RHBDF1: variants seen among roughly 807,000 people sequenced by gnomAD.
RHBDF1 encodes the protein inactive rhomboid protein 1.
Under a neutral mutation model 98.6 loss-of-function variants are expected in RHBDF1, and 80 were observed. The ratio of observed to expected loss-of-function variants is 0.81; its 90% CI spans 0.68 to 0.98. RHBDF1 has a LOEUF of 0.98. Ranked by LOEUF, RHBDF1 falls within the 50% of genes least tolerant of loss-of-function variation. The pLI, the probability that RHBDF1 is intolerant of heterozygous loss-of-function variation, is 0.00. For synonymous variants in RHBDF1, 512 were observed against 486.8 expected, an observed-to-expected ratio of 1.05 and a Z score of -0.68; for missense variants, 1,116 against 1,198.3, an observed-to-expected ratio of 0.93 and a Z score of 1.01.
intron 11 of RHBDF1, 72 bp from the exon 12 acceptor site, chr16:60,611 C>T (rs1294655600): frequency 1.8e-5 from 21 of 1,165,152 alleles, no homozygotes; most frequent in African/African-American, 6.0e-5. Context: ...AGTCAGGAGT[C>T]GAAGGCAAAA....
chr16:59,347 C>T lies in RHBDF1; in HGVS notation c.1896G>A (p.Val632=), dbSNP rs1193154933. 3.7e-6 allele frequency: 6 copies of T among 1,611,642 alleles called. No homozygotes were observed. In the African/African-American group the frequency reaches 5.3e-5, roughly 14 times the overall value. ...GCCCACACACATCATCCATGCAGTG[C>T]ACCTGCGCAGAGCAGCATATCAGCA... ...FHEEATLCSQ[V]HCMDDVCGLL... Residue 632 remains valine, a splice_region_variant and synonymous_variant, in exon 16 of 18, where the codon GTG becomes GTA. Transcript: ENST00000262316.
upstream of RHBDF1, among the ~76,000 whole-genome samples, chr16:74,210 AC>A (rs1429432998): frequency 2.7e-5 from 4 of 148,644 alleles, no homozygotes; most frequent in Non-Finnish European, 3.0e-5. Flanking sequence ...ACAGCCAGAG[AC>A]AGGACAGTCT....
At position 61,855 on chromosome 16, in the gene RHBDF1, T is replaced by G; in HGVS notation, c.1151A>C (p.Tyr384Ser). Reference sequence around the variant, plus strand: ...GACGAAGCTGTCGATGCGCTTGCGGTAGGTGCGGTTGGTGAGCCGTCCCAC... The same window carrying G: ...GACGAAGCTGTCGATGCGCTTGCGGGAGGTGCGGTTGGTGAGCCGTCCCAC... ...GMVGRLTNRT[Y>S]RKRIDSFVKR... Residue 384 changes from tyrosine (Y) to serine (S), a missense_variant, in exon 8 of 18, where the codon TAC (tyrosine) becomes TCC (serine). Transcript: ENST00000262316. 6.2e-7 allele frequency: 1 copy of G among 1,611,442 alleles called. No homozygotes were observed. The highest frequency in any genetic ancestry group is 8.5e-7 in the Non-Finnish European group (1 of 1,179,788).
Position 60,266 on chromosome 16 carries a change from G to A in RHBDF1, c.1672C>T (p.Pro558Ser), listed in dbSNP as rs765697052. 1.2e-6 allele frequency: 2 copies of A among 1,614,034 alleles called. No individual in the cohort carries two copies. The highest frequency in any genetic ancestry group is 1.7e-5 in the Admixed American group (1 of 60,010). The change falls in exon 13 of 18, where the codon CCC (proline) becomes TCC (serine). Residue 558 changes from proline to serine, a missense_variant. By Grantham distance (74) the Pro-to-Ser change is moderately conservative. Transcript: ENST00000262316. The part of the protein sequence containing the change: ...CHQDPRVCDE[P>S]SSEDPHEWPE... ...CACTCATGAGGGTCTTCGGAGGAGG[G>A]CTCATCACACACCCTGCATGAGCCA... is the stretch of plus-strand genomic sequence containing the variant.
intron 1 of RHBDF1, among the ~76,000 whole-genome samples, chr16:67,321 G>A (rs1023565909): frequency 6.6e-6 from 1 of 152,212 alleles, no homozygotes; most frequent in African/African-American, 2.4e-5. Flanking sequence ...CCAGAGAGGA[G>A]CAGGGCCCAG....
chr16:62,566 T>G lies in RHBDF1; in HGVS notation c.925A>C (p.Ser309Arg). The G allele has an allele frequency of 6.2e-7, 1 of 1,613,328 alleles. No homozygotes were observed. Among genetic ancestry groups the G allele is most frequent in the Non-Finnish European group, 8.5e-7 (1 of 1,179,998 alleles). Residue 309 changes from serine (S) to arginine (R), a missense_variant, in exon 7 of 18, where the codon AGC (serine) becomes CGC (arginine). Coordinates refer to ENST00000262316, the MANE Select transcript of RHBDF1 (RefSeq NM_022450.5). ...ATCAGGTGGCTGCGCTCAAGCTCGC[T>G]GCGGTCCAGGGCCCCGCCGGTGAGG... ...ADLTGGALDR[S>R]ELERSHLMLP...
chr16:61,938 G>A lies in RHBDF1; in HGVS notation c.1068C>T (p.Ile356=), dbSNP rs768944027. The part of the protein sequence containing the change: ...STAGPRRGQR[I]AVPVRKLFAR... ...CGAAGAGCTTGCGCACCGGCACCGC[G>A]ATACGCTGGCCCCGTCGCGGCCCCG... Residue 356 remains isoleucine (I), a synonymous_variant, in exon 8 of 18, where the codon ATC becomes ATT. Coordinates refer to ENST00000262316, the MANE Select transcript of RHBDF1 (RefSeq NM_022450.5). The A allele has an allele frequency of 5.6e-6, 9 of 1,598,818 alleles. No homozygotes were observed. In the East Asian group the frequency reaches 1.8e-4, roughly 32 times the overall value.
In RHBDF1 at chr16:59,100, G is replaced by C. The variant is rs758701046; in HGVS notation, c.2022C>G (p.Cys674Trp). Reference protein sequence around the residue: ...AGILHCLVSICFQMTVLRDLE... With the variant: ...AGILHCLVSIWFQMTVLRDLE... ...GGTCCCGCAGGACAGTCATCTGGAAGCAGATGGACACCAGGCAGTGCAAGA... is the reference window on the plus strand; with the variant it reads ...GGTCCCGCAGGACAGTCATCTGGAACCAGATGGACACCAGGCAGTGCAAGA... Residue 674 changes from cysteine to tryptophan, a missense_variant, in exon 17 of 18, where the codon TGC becomes TGG. Transcript: ENST00000262316. 6.2e-7 allele frequency: 1 copy of C among 1,613,608 alleles called. No homozygotes were observed. Among genetic ancestry groups the C allele is most frequent in the Non-Finnish European group, 8.5e-7 (1 of 1,180,012 alleles).
chr16:59,787 G>A lies in RHBDF1; in HGVS notation c.1762C>T (p.Pro588Ser). Residue 588 changes from proline (P) to serine (S), a missense_variant, in exon 14 of 18, where the codon CCC becomes TCC. Transcript: ENST00000262316. ...KNSAGNHTNH[P>S]HMDCVITGRP... ...CCTGTGATGACACAGTCCATGTGGGGATGGTTGGTGTGGTTCCCAGCGCTG... is the reference window on the plus strand; with the variant it reads ...CCTGTGATGACACAGTCCATGTGGGAATGGTTGGTGTGGTTCCCAGCGCTG... The A allele has an allele frequency of 6.2e-7, 1 of 1,614,166 alleles. No homozygotes were observed. Among genetic ancestry groups the A allele is most frequent in the Non-Finnish European group, 8.5e-7 (1 of 1,180,034 alleles).
Position 58,603 on chromosome 16 carries a change from T to C in RHBDF1, c.2305A>G (p.Asn769Asp). 4 of 1,613,470 alleles carry C rather than the reference T, an allele frequency of 2.5e-6. No individual in the cohort carries two copies. Among genetic ancestry groups the C allele is most frequent in the Non-Finnish European group, 3.4e-6 (4 of 1,179,938 alleles). Residue 769 changes from asparagine to aspartate, a missense_variant, in exon 18 of 18, where the codon AAC becomes GAC. Coordinates refer to ENST00000262316, the MANE Select transcript of RHBDF1 (RefSeq NM_022450.5). ...ATGAACCCTGAGATGTGGGCAAAGTTGTCAATCCACGGCAGCAGCCCAAAG... is the reference window on the plus strand; with the variant it reads ...ATGAACCCTGAGATGTGGGCAAAGTCGTCAATCCACGGCAGCAGCCCAAAG... ...FTFGLLPWID[N>D]FAHISGFISG...
intron 14 of RHBDF1, 61 bp from the exon 15 acceptor site, chr16:59,555 AG>A: frequency 6.4e-7 from 1 of 1,561,270 alleles, no homozygotes; most frequent in South Asian, 1.1e-5. Flanking sequence ...GCTGGCATCC[AG>A]GGCGAGTTTC....
rs1897577443 is a variant in RHBDF1, at chr16:60,683, T to C, written c.1558-144A>G. 8 of 611,374 alleles carry C rather than the reference T, an allele frequency of 1.3e-5. No homozygotes were observed. In the Middle Eastern group the frequency reaches 1.3e-3, roughly 96 times the overall value. 37.9% of individuals were successfully genotyped at this position (611,374 alleles called of 1,614,324 possible). A position where few individuals can be genotyped will look rare whatever the true frequency, so the allele number is the denominator to read the frequency against. On this transcript the variant is annotated intron_variant, in intron 11 of 17. Transcript: ENST00000262316. ...CCACTCTTGAGATGCACGTGCATGT[T>C]GGAAAAGACTCTTACAAGGAGTTTG...
chr16:70,371 C>T (rs943182320), intron 1 of RHBDF1, among the ~76,000 whole-genome samples: 2 of 152,212 alleles, frequency 1.3e-5, no homozygotes, highest in Admixed American at 1.3e-4. Context: ...ATGGGCAGCC[C>T]AGTCACCAGT....
At chr16:64,087 A>G (rs1897752551) in intron 3 of RHBDF1, 2 of 625,168 alleles carry the variant, frequency 3.2e-6, no homozygotes, top group African/African-American at 1.8e-5. Context: ...GGAGGCACTG[A>G]GTCCAGAGAA....
chr16:73,221 C>CA (rs1898022928), upstream of RHBDF1, among the ~76,000 whole-genome samples: 1 of 152,166 alleles, frequency 6.6e-6, no homozygotes, highest in Admixed American at 6.5e-5. Context: ...TGGGTACATA[C>CA]ACGTGCACAC....
In RHBDF1 at chr16:58,761, T is replaced by C. The variant is rs1364639034; in HGVS notation, c.2149-2A>G. On this transcript the variant is annotated splice_acceptor_variant, in intron 17 of 17. Coordinates refer to ENST00000262316, the MANE Select transcript of RHBDF1 (RefSeq NM_022450.5). LOFTEE classifies it high-confidence loss of function. The stretch of plus-strand genomic sequence containing the variant: ...GAACTGGGAGCCAGCAGGACCCACC[T>C]GGGGGATGGTTGGGGTAGCTGTAAG... 1 of 1,611,448 alleles carries C rather than the reference T, an allele frequency of 6.2e-7. No individual in the cohort carries two copies.
In RHBDF1 at chr16:63,740, G is replaced by C; in HGVS notation, c.309C>G (p.Arg103=). The C allele has an allele frequency of 3.1e-6, 5 of 1,613,784 alleles. No homozygotes were observed. Among genetic ancestry groups the C allele is most frequent in the Non-Finnish European group, 4.2e-6 (5 of 1,179,958 alleles). The stretch of plus-strand genomic sequence containing the variant: ...GCTGGCTGCAGTGACGGATGCTCTT[G>C]CGCTGCCATTTCTGGGTGCTGTCAC... ...KDSDSTQKWQ[R]KSIRHCSQRY... Residue 103 remains arginine (R), a synonymous_variant, in exon 4 of 18, where the codon CGC becomes CGG. Coordinates refer to ENST00000262316, the MANE Select transcript of RHBDF1 (RefSeq NM_022450.5).
At chr16:74,704 T>G (rs1215952312), upstream of RHBDF1, 1 of 152,172 alleles carries the variant, frequency 6.6e-6, no homozygotes, top group Non-Finnish European at 1.5e-5. Context: ...TACATCCAGA[T>G]GAAGCAAGTG....
rs780127819 is a variant in RHBDF1 at position 64,426 on chromosome 16, C to T, written c.248+273G>A. ...GGGCAGAGTGTGGACACGCCCGAAGCGTACTTGTCGGCTGCTAAGAGGCAA... is the reference window on the plus strand; with the variant it reads ...GGGCAGAGTGTGGACACGCCCGAAGTGTACTTGTCGGCTGCTAAGAGGCAA... On this transcript the variant is annotated intron_variant, in intron 3 of 17. Transcript: ENST00000262316. 7.6e-6 allele frequency: 11 copies of T among 1,440,882 alleles called. No homozygotes were observed. In the African/African-American group the frequency reaches 8.5e-5, roughly 11 times the overall value. The allele number at this position is 1,440,882 out of a possible 1,614,324, so 89.3% of individuals were successfully genotyped here. A position where few individuals can be genotyped will look rare whatever the true frequency, so the allele number is the denominator to read the frequency against.
Sources: allele counts gnomAD v4.1 joint callset (sites outside exome capture counted in the v4.1 genomes callset), GRCh38; gene constraint gnomAD v4.1.1; transcripts MANE v1.5; gene names NCBI Gene and HGNC (gene_info 2026-07-23, HGNC 2026-07-21).